PPP2R2C: variants seen among roughly 807,000 people sequenced by gnomAD.
PPP2R2C encodes protein phosphatase 2 regulatory subunit Bgamma.
Under a neutral mutation model 45.3 loss-of-function variants are expected in PPP2R2C, and 10 were observed. The ratio of observed to expected loss-of-function variants is 0.22; its 90% CI spans 0.14 to 0.37. The LOEUF is 0.37. Ranked by LOEUF, PPP2R2C falls within the 10% of genes least tolerant of loss-of-function variation. The probability of loss-of-function intolerance (pLI) is 1.00; values close to 1 mark genes in which losing one functional copy is unlikely to be tolerated. For synonymous variants in PPP2R2C, 257 were observed against 245.4 expected, an observed-to-expected ratio of 1.05 and a Z score of -0.44; for missense variants, 308 against 619.7, an observed-to-expected ratio of 0.50 and a Z score of 5.34.
intron 1 of PPP2R2C, among the ~76,000 whole-genome samples, chr4:6,391,396 A>C (rs1716630111): frequency 6.6e-6 from 1 of 152,148 alleles, no homozygotes; most frequent in Non-Finnish European, 1.5e-5. Flanking sequence ...ACTCGCCCTT[A>C]TTGCCACATT....
At chr4:6,475,044 G>A (rs1242975287), upstream of PPP2R2C, among the ~76,000 whole-genome samples, 1 of 152,236 alleles carries the variant, frequency 6.6e-6, no homozygotes, top group African/African-American at 2.4e-5. Context: ...CCAGCACTAG[G>A]GTAGTGTGGA....
chr4:6,482,114 G>T (rs540755448), intron 2 of PPP2R2C, among the ~76,000 whole-genome samples: 1 of 152,072 alleles, frequency 6.6e-6, no homozygotes, highest in African/African-American at 2.4e-5. Context: ...AATGGATATG[G>T]TCTATCTCTG....
chr4:6,415,240 C>T (rs902709382), intron 1 of PPP2R2C, among the ~76,000 whole-genome samples: 10 of 152,362 alleles, frequency 6.6e-5, no homozygotes, highest in Middle Eastern at 3.4e-3. Flanking sequence ...TACAGCCGGC[C>T]TGGGGGCTCA....
intron 1 of PPP2R2C, among the ~76,000 whole-genome samples, chr4:6,445,903 C>T (rs1035565259): frequency 6.6e-6 from 1 of 152,200 alleles, no homozygotes; most frequent in African/African-American, 2.4e-5. Context: ...CAGGAGGACT[C>T]CTATCTCACA....
At chr4:6,453,137 G>A (rs1326748006) in intron 1 of PPP2R2C, among the ~76,000 whole-genome samples, 1 of 152,134 alleles carries the variant, frequency 6.6e-6, no homozygotes, top group East Asian at 1.9e-4. Flanking sequence ...TACACCTAAC[G>A]CCTCATCTCC....
intron 1 of PPP2R2C, among the ~76,000 whole-genome samples, chr4:6,538,097 A>T (rs2108829142): frequency 1.3e-5 from 2 of 152,350 alleles, no homozygotes; most frequent in Non-Finnish European, 2.9e-5. Context: ...GAAAATGCTT[A>T]AAATGATTAG....
intron 1 of PPP2R2C, among the ~76,000 whole-genome samples, chr4:6,432,076 A>G (rs1051521763): frequency 4.6e-5 from 7 of 152,136 alleles, no homozygotes; most frequent in African/African-American, 1.7e-4. Flanking sequence ...CATCACCTTA[A>G]GGCTTAATTT....
At chr4:6,528,339 A>C (rs13105372) in intron 2 of PPP2R2C, among the ~76,000 whole-genome samples, 1 of 152,082 alleles carries the variant, frequency 6.6e-6, no homozygotes. Context: ...AGGGGCTTCC[A>C]GGGCCTGTGC....
intron 5 of PPP2R2C, among the ~76,000 whole-genome samples, chr4:6,360,980 G>C (rs1290313086): frequency 6.6e-6 from 1 of 152,114 alleles, no homozygotes; most frequent in Non-Finnish European, 1.5e-5. Context: ...AAGAACACCA[G>C]TCAGATTGGA....
chr4:6,404,851 C>A (rs1053881480), intron 1 of PPP2R2C, among the ~76,000 whole-genome samples: 1 of 152,206 alleles, frequency 6.6e-6, no homozygotes, highest in Non-Finnish European at 1.5e-5. Flanking sequence ...TGCATGCGTG[C>A]TAAGAGGCAG....
At chr4:6,504,600 A>G (rs1723162269) in intron 2 of PPP2R2C, among the ~76,000 whole-genome samples, 2 of 152,234 alleles carry the variant, frequency 1.3e-5, no homozygotes, top group Non-Finnish European at 2.9e-5. Flanking sequence ...GCAAAGAAAT[A>G]GAAACTACTA....
intron 2 of PPP2R2C, among the ~76,000 whole-genome samples, chr4:6,490,531 G>A (rs549806388): frequency 6.6e-6 from 1 of 152,316 alleles, no homozygotes. Context: ...ATCGTGCCTT[G>A]AGGGCTCCAG....
chr4:6,525,684 C>G (rs1211635859), intron 2 of PPP2R2C, among the ~76,000 whole-genome samples: 1 of 152,114 alleles, frequency 6.6e-6, no homozygotes, highest in African/African-American at 2.4e-5. Flanking sequence ...CTTTCTTTTT[C>G]AGTTTCAACA....
upstream of PPP2R2C, among the ~76,000 whole-genome samples, chr4:6,472,707 C>A (rs1721983059): frequency 6.6e-6 from 1 of 151,600 alleles, no homozygotes; most frequent in Admixed American, 6.6e-5. Flanking sequence ...GTGGAGCCGG[C>A]GCCCAAGCCG....
At position 6,375,915 on chromosome 4, in the gene PPP2R2C, T is replaced by C. The variant is rs763820029; in HGVS notation, c.351A>G (p.Leu117=). The C allele has an allele frequency of 1.9e-5, 31 of 1,612,930 alleles. No homozygotes were observed. In the East Asian group the frequency reaches 2.0e-4, roughly 10 times the overall value. ...LLSTNDKTIK[L]WKITERDKRP... ...TTTTATCTCGTTCGGTAATCTTCCA[T>C]AATTTGATAGTTTTATCTTTAAAAA... is the stretch of plus-strand genomic sequence containing the variant. Residue 117 remains leucine (L), a synonymous_variant, in exon 4 of 9, where the codon TTA becomes TTG. Transcript: ENST00000382599.
intron 1 of PPP2R2C, chr4:6,381,780 G>T: frequency 6.2e-7 from 1 of 1,613,366 alleles, no homozygotes; most frequent in South Asian, 1.1e-5. Context: ...CCCATACCTG[G>T]AGTCTTCAAT....
At chr4:6,510,986 A>AAAAAAAAAAG (rs1723419881) in intron 2 of PPP2R2C, among the ~76,000 whole-genome samples, 1 of 83,880 alleles carries the variant, frequency 1.2e-5, no homozygotes, top group East Asian at 3.0e-4. Flanking sequence ...CAAACAAAAA[A>AAAAAAAAAAG]AAACAAACAA....
intron 1 of PPP2R2C, among the ~76,000 whole-genome samples, chr4:6,448,615 T>C (rs4569820): frequency 0.98 from 148,954 of 152,088 alleles, 73,010 homozygotes; most frequent in Middle Eastern, 1. Flanking sequence ...TCACTCCCAC[T>C]GCTGCCACAC....
rs899279071 is a variant in PPP2R2C at position 6,330,344 on chromosome 4, G to C, written c.961-991C>G. Among the ~76,000 whole-genome samples, 5 of 152,234 alleles carry C rather than the reference G, an allele frequency of 3.3e-5. No homozygotes were observed. Among genetic ancestry groups the C allele is most frequent in the African/African-American group, 1.2e-4 (5 of 41,448 alleles). On this transcript the variant is annotated intron_variant, in intron 7 of 8. Coordinates refer to ENST00000382599, the MANE Select transcript of PPP2R2C (RefSeq NM_020416.4). This position sits in a 1 kb window ranked among gnomAD's most constrained non-coding sequence, Gnocchi z 7.0. The stretch of plus-strand genomic sequence containing the variant: ...AACAACTCCAACGAACACAGAAAAT[G>C]TGAAGGGTGGTGTGAACGTCAATTT...
Sources: allele counts gnomAD v4.1 joint callset (sites outside exome capture counted in the v4.1 genomes callset), GRCh38; gene constraint gnomAD v4.1.1; non-coding constraint Gnocchi (gnomAD v3.1); transcripts MANE v1.5; gene names NCBI Gene and HGNC (gene_info 2026-07-23, HGNC 2026-07-21).